TENM1: variants seen among roughly 807,000 people sequenced by gnomAD.
The protein encoded by TENM1 is teneurin-1.
A neutral mutation model predicts 174.8 loss-of-function variants in TENM1; 35 were observed. The ratio of observed to expected loss-of-function variants is 0.20; its 90% CI spans 0.15 to 0.27. The LOEUF (loss-of-function observed/expected upper bound fraction) is 0.27, where lower values mean the gene tolerates loss of function less well. Among genes scored for constraint, TENM1 ranks in the 10% least tolerant of loss-of-function variants. The pLI is 1.00. For synonymous variants in TENM1, 781 were observed against 798.7 expected (o/e 0.98, Z 0.37); for missense variants, 1,633 against 2,130.1 (o/e 0.77, Z 4.59).
rs933256377 is a variant in TENM1, at chrX:124,590,299, A to C, written c.2078-24739T>G. 1.5e-4 allele frequency among the ~76,000 whole-genome samples: 17 copies of C among 110,456 alleles called. 1 individual carries two copies. The highest frequency in any genetic ancestry group is 1.2e-3 in the South Asian group (3 of 2,587). The stretch of plus-strand genomic sequence containing the variant: ...CAGCAAAGTCTCAGGATACAAAATC[A>C]ATGTACAAAAATCACAAGCATTCTT... On this transcript the variant is annotated intron_variant, in intron 11 of 31. Transcript: ENST00000422452.
intron 22 of TENM1, among the ~76,000 whole-genome samples, chrX:124,469,020 G>A (rs186129220): frequency 7.2e-5 from 8 of 111,545 alleles, no homozygotes; most frequent in African/African-American, 2.6e-4. Flanking sequence ...CATGTCTTAT[G>A]CATGTGTGTA....
intron 15 of TENM1, among the ~76,000 whole-genome samples, chrX:124,531,752 T>A (rs1281662743): frequency 8.9e-6 from 1 of 112,407 alleles, no homozygotes; most frequent in East Asian, 2.8e-4. Context: ...CATTTTGAAA[T>A]CCCATTTGTT....
At chrX:124,620,626 C>G (rs1232429719) in intron 11 of TENM1, among the ~76,000 whole-genome samples, 5 of 112,200 alleles carry the variant, frequency 4.5e-5, no homozygotes. Flanking sequence ...ATGTACCTGA[C>G]TCCTTCCTAC....
At position 124,840,046 on chromosome X, in the gene TENM1, T is replaced by C. The variant is rs186759651; in HGVS notation, c.535+54250A>G. ...GACCTCTGTTCTTTCGTCTTTCAAA[T>C]GACGATAATAATATTGACCACCAAA... On this transcript the variant is annotated intron_variant, in intron 3 of 31. Transcript: ENST00000422452. Among the ~76,000 whole-genome samples the C allele has an allele frequency of 3.9e-3, 435 of 111,997 alleles. 1 individual carries two copies. Among genetic ancestry groups the C allele is most frequent in the African/African-American group, 0.013 (407 of 30,834 alleles).
At chrX:124,836,447 T>C (rs1157494113) in intron 3 of TENM1, among the ~76,000 whole-genome samples, 1 of 112,298 alleles carries the variant, frequency 8.9e-6, no homozygotes, top group Non-Finnish European at 1.9e-5. Flanking sequence ...CTGTATATTA[T>C]AGGCAAAATA....
the TENM1 span, among the ~76,000 whole-genome samples, chrX:125,157,070 A>G: frequency 8.9e-6 from 1 of 112,349 alleles, no homozygotes; most frequent in East Asian, 2.8e-4. Context: ...GCACATTAGA[A>G]TCACCTGGGG....
At chrX:124,530,280 C>A (rs762503815) in intron 15 of TENM1, among the ~76,000 whole-genome samples, 1 of 109,659 alleles carries the variant, frequency 9.1e-6, no homozygotes, top group South Asian at 3.9e-4. Context: ...TATAATACAC[C>A]CTTAAATTAG....
At chrX:124,966,556 G>A (rs2058728853), upstream of TENM1, among the ~76,000 whole-genome samples, 2 of 107,375 alleles carry the variant, frequency 1.9e-5, no homozygotes, top group African/African-American at 6.9e-5. Context: ...CAGCTACTCG[G>A]GAGGCTGAGG....
chrX:124,520,954 T>C (rs753766944), intron 17 of TENM1, among the ~76,000 whole-genome samples, 170 bp from the exon 21 acceptor site: 3 of 111,774 alleles, frequency 2.7e-5, no homozygotes, highest in Admixed American at 9.5e-5. Flanking sequence ...TGTATGATAA[T>C]AGGTTTTGAA....
chrX:124,531,546 G>A (rs1302271359), intron 15 of TENM1, among the ~76,000 whole-genome samples: 1 of 112,269 alleles, frequency 8.9e-6, no homozygotes. Context: ...CAAAGTAAGC[G>A]AGTGTAATTG....
chrX:124,919,524 T>C (rs1254761807), intron 1 of TENM1, among the ~76,000 whole-genome samples: 1 of 110,626 alleles, frequency 9.0e-6, no homozygotes, highest in Non-Finnish European at 1.9e-5. Flanking sequence ...GATGCATACA[T>C]ACATGGCAAA....
At chrX:124,755,274 G>C (rs1231961074) in intron 3 of TENM1, among the ~76,000 whole-genome samples, 1 of 110,100 alleles carries the variant, frequency 9.1e-6, no homozygotes, top group African/African-American at 3.4e-5. Flanking sequence ...ATCTTTGTTG[G>C]TTTAAAGTCT....
At chrX:124,466,763 T>C (rs1021822349) in intron 22 of TENM1, among the ~76,000 whole-genome samples, 1 of 111,491 alleles carries the variant, frequency 9.0e-6, no homozygotes, top group Non-Finnish European at 1.9e-5. Flanking sequence ...TTTACTACTC[T>C]GGGAAAGGTG....
At chrX:124,591,691 A>G (rs934879428) in intron 11 of TENM1, among the ~76,000 whole-genome samples, 1 of 111,463 alleles carries the variant, frequency 9.0e-6, no homozygotes, top group African/African-American at 3.3e-5. Context: ...TAGTCTGCGG[A>G]CTACATGCAT....
the TENM1 span, among the ~76,000 whole-genome samples, chrX:125,158,259 T>C: frequency 9.2e-6 from 1 of 108,579 alleles, no homozygotes; most frequent in Non-Finnish European, 1.9e-5. Flanking sequence ...AAAAATTAGC[T>C]GGGCATGGTG....
the TENM1 span, among the ~76,000 whole-genome samples, chrX:124,970,957 TA>T: frequency 9.2e-6 from 1 of 109,054 alleles, no homozygotes; most frequent in Non-Finnish European, 1.9e-5. Flanking sequence ...TATGCAGCCA[TA>T]AAAAAGGATG....
chrX:125,036,795 T>C, the TENM1 span, among the ~76,000 whole-genome samples: 3 of 111,575 alleles, frequency 2.7e-5, no homozygotes, highest in African/African-American at 9.8e-5. Flanking sequence ...CAAAAGTGAC[T>C]GCTTCAGTAG....
chrX:124,501,446 C>A (rs1384311380), intron 19 of TENM1, among the ~76,000 whole-genome samples: 1 of 111,919 alleles, frequency 8.9e-6, no homozygotes, highest in Admixed American at 9.5e-5. Context: ...CTACCCATTG[C>A]ATAATGATTT....
chrX:124,930,222 T>G (rs191527798), intron 1 of TENM1, among the ~76,000 whole-genome samples: 135 of 112,429 alleles, frequency 1.2e-3, no homozygotes, highest in Non-Finnish European at 1.9e-3. Context: ...AGAATGTATT[T>G]CTTTACAGTC....
Sources: gnomAD v4.1 joint callset for allele counts (sites outside exome capture counted in the v4.1 genomes callset) on GRCh38, gnomAD v4.1.1 for gene constraint, MANE v1.5 for transcripts, NCBI Gene and HGNC (gene_info 2026-07-23, HGNC 2026-07-21) for gene names.